Variants in ADARB2 observed in about 807,000 individuals in gnomAD.
ADARB2 encodes inactive double-stranded RNA-specific editase B2.
In ADARB2, 25 loss-of-function variants were observed where a neutral mutation model predicts 62.2. The observed-to-expected ratio is 0.40, with a 90% confidence interval of 0.29 to 0.56. ADARB2 has a LOEUF of 0.56. ADARB2 is among the 20% of genes least tolerant of loss of function. The pLI is 0.43. For missense variants in ADARB2, 1,071 were observed against 1,077.4 expected, an observed-to-expected ratio of 0.99 and a Z score of 0.08; for synonymous variants, 572 against 500.8, an observed-to-expected ratio of 1.14 and a Z score of -1.90.
intron 6 of ADARB2, among the ~76,000 whole-genome samples, chr10:1,225,968 T>C (rs1024247962): frequency 6.6e-6 from 1 of 152,182 alleles, no homozygotes; most frequent in African/African-American, 2.4e-5. Flanking sequence ...CTTTGCTAGA[T>C]TGGGGAAGTT....
chr10:1,195,894 C>A (rs1010436437), intron 8 of ADARB2, among the ~76,000 whole-genome samples: 1 of 152,170 alleles, frequency 6.6e-6, no homozygotes, highest in African/African-American at 2.4e-5. Flanking sequence ...ACCTTCGTAA[C>A]CCCACTGAAT....
intron 6 of ADARB2, among the ~76,000 whole-genome samples, chr10:1,225,756 T>C (rs1830739313): frequency 6.6e-6 from 1 of 151,040 alleles, no homozygotes; most frequent in South Asian, 2.2e-4. Context: ...TCTTCTGGCT[T>C]GTAGAGTTTC....
At chr10:1,618,776 T>A (rs1833673670) in intron 1 of ADARB2, among the ~76,000 whole-genome samples, 1 of 152,228 alleles carries the variant, frequency 6.6e-6, no homozygotes, top group Admixed American at 6.5e-5. Context: ...TAAAAGAGTA[T>A]TGTTTTGTTG....
In ADARB2 at chr10:1,208,229, A is replaced by G. The variant is rs375863235; in HGVS notation, c.1683-8082T>C. 1.1e-3 allele frequency among the ~76,000 whole-genome samples: 170 copies of G among 152,270 alleles called. 2 individuals are homozygous for G. Among genetic ancestry groups the G allele is most frequent in the African/African-American group, 3.9e-3 (162 of 41,552 alleles). Reference sequence around the variant, plus strand: ...GAAGACCGGATAGGTGATTTCTCTCACCTGCCAGTGCCAGCCTCCTAGGGC... The same window carrying G: ...GAAGACCGGATAGGTGATTTCTCTCGCCTGCCAGTGCCAGCCTCCTAGGGC... On this transcript the variant is annotated intron_variant, in intron 7 of 9. Transcript: ENST00000381312.
intron 1 of ADARB2, among the ~76,000 whole-genome samples, chr10:1,576,110 G>GGGTC (rs1833014441): frequency 4.5e-5 from 6 of 132,362 alleles, no homozygotes; most frequent in South Asian, 3.0e-4. Context: ...AGGGGGCTCA[G>GGGTC]AGTCACAGGA....
chr10:1,388,587 G>C (rs1470820399), intron 1 of ADARB2, among the ~76,000 whole-genome samples: 1 of 151,686 alleles, frequency 6.6e-6, no homozygotes, highest in African/African-American at 2.4e-5. Context: ...TGAAAAAGTG[G>C]AAAATTAAAT....
rs562828001 is a variant in ADARB2, at chr10:1,428,356, G to A, written c.101-49196C>T. The stretch of plus-strand genomic sequence containing the variant: ...GGCTGGAGTGCAGTGGTGCTATCTC[G>A]GCTCACTGCAAGCTCCGCCTCCCAG... On this transcript the variant is annotated intron_variant, in intron 1 of 9. Transcript: ENST00000381312. 3.3e-5 allele frequency among the ~76,000 whole-genome samples: 5 copies of A among 150,216 alleles called. No homozygotes were observed. In the South Asian group the frequency reaches 8.5e-4, roughly 26 times the overall value.
chr10:1,728,341 A>G (rs984853729), intron 1 of ADARB2, among the ~76,000 whole-genome samples: 1 of 152,172 alleles, frequency 6.6e-6, no homozygotes, highest in Non-Finnish European at 1.5e-5. Flanking sequence ...TTGCCTCCCA[A>G]AGAATTTGTG....
intron 1 of ADARB2, among the ~76,000 whole-genome samples, chr10:1,397,818 C>T (rs757330377): frequency 6.0e-4 from 29 of 48,332 alleles, no homozygotes; most frequent in African/African-American, 2.0e-3. Context: ...CCCTCCCGAG[C>T]GCAGGCTTCC....
chr10:1,715,602 T>C (rs527900052), intron 1 of ADARB2, among the ~76,000 whole-genome samples: 10 of 152,334 alleles, frequency 6.6e-5, no homozygotes, highest in South Asian at 6.2e-4. Flanking sequence ...CATCTGGCCT[T>C]CTTCTATCAT....
At chr10:1,689,310 G>C (rs538162301) in intron 1 of ADARB2, among the ~76,000 whole-genome samples, 2 of 152,328 alleles carry the variant, frequency 1.3e-5, no homozygotes, top group South Asian at 2.1e-4. Context: ...TTGTAGGTGA[G>C]TTACCTGCAC....
At chr10:1,443,278 A>G (rs1031317297) in intron 1 of ADARB2, among the ~76,000 whole-genome samples, 14 of 152,146 alleles carry the variant, frequency 9.2e-5, no homozygotes, top group Non-Finnish European at 1.5e-5. Context: ...GGAGAATGTG[A>G]GAAACCTGGA....
intron 1 of ADARB2, among the ~76,000 whole-genome samples, chr10:1,514,053 T>C (rs1376151905): frequency 6.6e-6 from 1 of 151,078 alleles, no homozygotes; most frequent in Non-Finnish European, 1.5e-5. Flanking sequence ...CGAGACCCTG[T>C]CTCTACTAAA....
chr10:1,287,450 T>C (rs369946136), intron 3 of ADARB2, among the ~76,000 whole-genome samples: 54 of 152,270 alleles, frequency 3.5e-4, no homozygotes, highest in African/African-American at 1.3e-3. Flanking sequence ...TTAACTATGA[T>C]CACCATGCTG....
intron 1 of ADARB2, among the ~76,000 whole-genome samples, chr10:1,535,190 G>C (rs1332401446): frequency 6.6e-6 from 1 of 152,162 alleles, no homozygotes; most frequent in Non-Finnish European, 1.5e-5. Flanking sequence ...CGCGTGTGCT[G>C]GGATTCTGCT....
intron 8 of ADARB2, among the ~76,000 whole-genome samples, chr10:1,191,138 A>G (rs1206298936): frequency 1.3e-5 from 2 of 152,162 alleles, no homozygotes; most frequent in Admixed American, 1.3e-4. Context: ...TGGGCCCCAC[A>G]CGGCGTAGAA....
At chr10:1,572,842 G>A (rs1242686145) in intron 1 of ADARB2, among the ~76,000 whole-genome samples, 3 of 152,152 alleles carry the variant, frequency 2.0e-5, no homozygotes, top group Non-Finnish European at 2.9e-5. Flanking sequence ...GTGCTTCTGG[G>A]CCCCCAAATG....
chr10:1,390,608 G>A (rs1340677739), intron 1 of ADARB2, among the ~76,000 whole-genome samples: 1 of 152,208 alleles, frequency 6.6e-6, no homozygotes, highest in Admixed American at 6.5e-5. Context: ...AAGCATATCT[G>A]CTTATGCCTC....
chr10:1,736,938 C>A, intron 1 of ADARB2, 113 bp downstream of exon 1: 1 of 1,077,800 alleles, frequency 9.3e-7, no homozygotes, highest in South Asian at 1.4e-5. Flanking sequence ...ATCCCGCCAG[C>A]ACCCCAAAGT....
Sources: allele counts gnomAD v4.1 joint callset (sites outside exome capture counted in the v4.1 genomes callset), GRCh38; gene constraint gnomAD v4.1.1; transcripts MANE v1.5; gene names NCBI Gene and HGNC (gene_info 2026-07-23, HGNC 2026-07-21).